TBC1D30: variants seen among roughly 807,000 people sequenced by gnomAD.
The protein encoded by TBC1D30 is TBC1 domain family member 30.
In TBC1D30, 31 loss-of-function variants were observed where a neutral mutation model predicts 63.2. The observed-to-expected ratio is 0.49, with a 90% confidence interval of 0.37 to 0.66. The LOEUF (loss-of-function observed/expected upper bound fraction) is 0.66, where lower values mean the gene tolerates loss of function less well. Ranked by LOEUF, TBC1D30 falls within the 30% of genes least tolerant of loss-of-function variation. The probability of loss-of-function intolerance (pLI) is 0.00; values close to 1 mark genes in which losing one functional copy is unlikely to be tolerated. For synonymous variants in TBC1D30, 307 were observed against 361.5 expected (o/e 0.85, Z 1.71); for missense variants, 810 against 953.6 (o/e 0.85, Z 1.98).
rs541418370 is a variant in TBC1D30, at chr12:64,842,364, AAAAT to A, written c.933-1000_933-997del. 1.4e-4 allele frequency among the ~76,000 whole-genome samples: 22 copies of A among 152,296 alleles called. No homozygotes were observed. In the South Asian group the frequency reaches 1.7e-3, roughly 11 times the overall value. ...ACAGAGCAAGACTTTGTCACAAGAAAAAATAAATAAATAAATAAACAAACAAAAT... is the reference window on the plus strand; with the variant it reads ...ACAGAGCAAGACTTTGTCACAAGAAAAAATAAATAAATAAACAAACAAAAT... On this transcript the variant is annotated intron_variant, in intron 7 of 11. Coordinates refer to ENST00000539867, the MANE Select transcript of TBC1D30 (RefSeq NM_015279.2).
At chr12:64,866,304 A>C (rs148209909) in intron 9 of TBC1D30, among the ~76,000 whole-genome samples, 38 of 152,382 alleles carry the variant, frequency 2.5e-4, no homozygotes, top group African/African-American at 8.9e-4. Flanking sequence ...TGAAGAATAC[A>C]TAAGAACCAG....
At chr12:64,767,785 C>T (rs191001836) in intron 1 of TBC1D30, among the ~76,000 whole-genome samples, 402 of 5,550 alleles carry the variant, frequency 0.072, 1 homozygote, top group Admixed American at 0.13. Flanking sequence ...ACACATGCTC[C>T]GGCGGGGGGG....
At chr12:64,827,810 A>G (rs1874494973) in intron 1 of TBC1D30, 25 bp from the exon 2 acceptor site, 3 of 1,465,704 alleles carry the variant, frequency 2.0e-6, no homozygotes, top group East Asian at 4.9e-5. Flanking sequence ...CAAAAATAAC[A>G]TCTATTTATG....
intron 1 of TBC1D30, among the ~76,000 whole-genome samples, chr12:64,762,292 C>T (rs1471814324): frequency 6.6e-6 from 1 of 152,100 alleles, no homozygotes; most frequent in Non-Finnish European, 1.5e-5. Flanking sequence ...ATTTTAAGGA[C>T]TTGGGTTTTT....
chr12:64,875,889 A>G lies in TBC1D30; in HGVS notation c.*101A>G, dbSNP rs368685462. 32 of 1,244,996 alleles carry G rather than the reference A, an allele frequency of 2.6e-5. No homozygotes were observed. The highest frequency in any genetic ancestry group is 4.5e-5 in the African/African-American group (3 of 65,964). The allele number at this position is 1,244,996 out of a possible 1,614,324, so 77.1% of individuals were successfully genotyped here. On this transcript the variant is annotated 3_prime_UTR_variant, in exon 12 of 12. Transcript: ENST00000539867. ...AGTTTTATTTGTCCAGTGAAAATGAATAGGTTCAGGGATGAGCAACAGCCC... is the reference window on the plus strand; with the variant it reads ...AGTTTTATTTGTCCAGTGAAAATGAGTAGGTTCAGGGATGAGCAACAGCCC...
chr12:64,810,458 C>G (rs1333201606), intron 2 of TBC1D30, among the ~76,000 whole-genome samples: 1 of 152,136 alleles, frequency 6.6e-6, no homozygotes, highest in Admixed American at 6.6e-5. Context: ...CAAAAATTAG[C>G]TGGGCGTGGT....
chr12:64,851,038 A>G (rs1876827151), intron 8 of TBC1D30, among the ~76,000 whole-genome samples: 1 of 151,780 alleles, frequency 6.6e-6, no homozygotes, highest in South Asian at 2.1e-4. Flanking sequence ...TTTCTTCTAG[A>G]TTTTCTAGTT....
intron 6 of TBC1D30, among the ~76,000 whole-genome samples, chr12:64,837,476 A>C (rs1300220840): frequency 1.3e-5 from 2 of 151,578 alleles, no homozygotes; most frequent in Non-Finnish European, 2.9e-5. Context: ...AGATTCTCAT[A>C]AGGAGCGCGA....
chr12:64,819,461 G>A (rs1873758614), intron 2 of TBC1D30, among the ~76,000 whole-genome samples: 1 of 139,296 alleles, frequency 7.2e-6, no homozygotes. Context: ...TGTCACCCAG[G>A]CTGCCAGTGC....
In TBC1D30 at chr12:64,876,970, C is replaced by T. The variant is rs778141945; in HGVS notation, c.*1182C>T. 6.6e-6 allele frequency: 3 copies of T among 454,098 alleles called. No individual in the cohort carries two copies. Among genetic ancestry groups the T allele is most frequent in the Non-Finnish European group, 1.3e-5 (3 of 225,576 alleles). The allele number at this position is 454,098 out of a possible 1,614,324, so 28.1% of individuals were successfully genotyped here. ...CTCGGTATTCCAAGTGACTTAGCCA[C>T]ATTTCCTTCAGTGCAATAGGTGGGT... On this transcript the variant is annotated 3_prime_UTR_variant, in exon 12 of 12. Transcript: ENST00000539867.
chr12:64,823,853 G>C (rs1874047192), upstream of TBC1D30, among the ~76,000 whole-genome samples: 1 of 152,060 alleles, frequency 6.6e-6, no homozygotes, highest in Admixed American at 6.5e-5. Flanking sequence ...AAAACTACAG[G>C]AGGCACATCA....
intron 8 of TBC1D30, among the ~76,000 whole-genome samples, chr12:64,854,129 T>G (rs908396765): frequency 6.6e-6 from 1 of 152,220 alleles, no homozygotes; most frequent in Non-Finnish European, 1.5e-5. Context: ...TTATTTGTTT[T>G]CTGGTGGTTT....
intron 11 of TBC1D30, among the ~76,000 whole-genome samples, chr12:64,871,645 TAACTG>T (rs1215750959): frequency 6.6e-6 from 1 of 152,228 alleles, no homozygotes; most frequent in Non-Finnish European, 1.5e-5. Context: ...AGTCACAAAA[TAACTG>T]AACAATTTCA....
In TBC1D30 at chr12:64,861,968, G is replaced by T. The variant is rs960863018; in HGVS notation, c.1039-2700G>T. Among the ~76,000 whole-genome samples, 6 of 152,166 alleles carry T rather than the reference G, an allele frequency of 3.9e-5. No homozygotes were observed. In the South Asian group the frequency reaches 1.2e-3, roughly 32 times the overall value. ...AGGATCATGTTTGATGAATTAAATTGAAACCGTCTGTCCTGCAAAACTGTG... is the reference window on the plus strand; with the variant it reads ...AGGATCATGTTTGATGAATTAAATTTAAACCGTCTGTCCTGCAAAACTGTG... On this transcript the variant is annotated intron_variant, in intron 8 of 11. Coordinates refer to ENST00000539867, the MANE Select transcript of TBC1D30 (RefSeq NM_015279.2).
upstream of TBC1D30, chr12:64,824,511 G>T: frequency 4.7e-6 from 1 of 210,746 alleles, no homozygotes; most frequent in East Asian, 1.0e-4. Context: ...TGGCGCTTCT[G>T]GGCACGGGGG....
At chr12:64,806,390 C>T (rs1402763832) in intron 2 of TBC1D30, among the ~76,000 whole-genome samples, 1 of 152,116 alleles carries the variant, frequency 6.6e-6, no homozygotes, top group East Asian at 1.9e-4. Flanking sequence ...ATTTGAGATC[C>T]TTCGGGGATC....
At chr12:64,861,734 A>G (rs2136452623) in intron 8 of TBC1D30, among the ~76,000 whole-genome samples, 1 of 152,276 alleles carries the variant, frequency 6.6e-6, no homozygotes, top group Middle Eastern at 3.4e-3. Context: ...CCTTGAGGGC[A>G]GTGTAGAGAT....
intron 2 of TBC1D30, among the ~76,000 whole-genome samples, chr12:64,794,109 C>A (rs369640976): frequency 6.6e-6 from 1 of 152,164 alleles, no homozygotes; most frequent in African/African-American, 2.4e-5. Context: ...TCTTGTTGCT[C>A]TTGAGAAGGC....
At chr12:64,765,257 C>A (rs1870664082) in intron 1 of TBC1D30, among the ~76,000 whole-genome samples, 1 of 151,880 alleles carries the variant, frequency 6.6e-6, no homozygotes, top group Non-Finnish European at 1.5e-5. Context: ...CTTTGGGAGG[C>A]CGAGGCGGAT....
Sources: gnomAD v4.1 joint callset for allele counts (sites outside exome capture counted in the v4.1 genomes callset) on GRCh38, gnomAD v4.1.1 for gene constraint, MANE v1.5 for transcripts, NCBI Gene and HGNC (gene_info 2026-07-23, HGNC 2026-07-21) for gene names.